HYCC2: variants seen among roughly 807,000 people sequenced by gnomAD.
HYCC2 encodes hyccin PI4KA lipid kinase complex subunit 2.
the HYCC2 span, among the ~76,000 whole-genome samples, chr2:200,994,232 T>TG: frequency 6.6e-6 from 1 of 152,096 alleles, no homozygotes; most frequent in Non-Finnish European, 1.5e-5. Context: ...TACTAGAAAT[T>TG]ATATCATTTC....
the HYCC2 span, among the ~76,000 whole-genome samples, chr2:201,065,764 A>G: frequency 6.6e-6 from 1 of 152,264 alleles, no homozygotes; most frequent in Non-Finnish European, 1.5e-5. Context: ...AACATATTAT[A>G]GTTGAAGGAC....
chr2:201,069,316 T>A, the HYCC2 span, among the ~76,000 whole-genome samples: 5 of 152,336 alleles, frequency 3.3e-5, no homozygotes, highest in East Asian at 5.8e-4. Flanking sequence ...TTCAAATTCC[T>A]TATAAACAGC....
chr2:200,981,151 A>T, the HYCC2 span: 1 of 1,235,060 alleles, frequency 8.1e-7, no homozygotes, highest in Non-Finnish European at 1.1e-6. This position sits in a 1 kb window ranked among gnomAD's most constrained non-coding sequence, Gnocchi z 4.5. Flanking sequence ...AAGATACCTA[A>T]ACTAAATGAA....
the HYCC2 span, among the ~76,000 whole-genome samples, chr2:201,024,871 T>G: frequency 6.6e-6 from 1 of 152,192 alleles, no homozygotes; most frequent in Non-Finnish European, 1.5e-5. Context: ...ATCCCAGCAC[T>G]TTGGGAGGCT....
the HYCC2 span, among the ~76,000 whole-genome samples, chr2:201,036,227 G>C: frequency 1.3e-5 from 2 of 152,114 alleles, no homozygotes; most frequent in African/African-American, 4.8e-5. Context: ...CCAATAACAG[G>C]CTCTGAAATT....
the HYCC2 span, among the ~76,000 whole-genome samples, chr2:201,061,013 C>G: frequency 6.6e-6 from 1 of 151,022 alleles, no homozygotes; most frequent in African/African-American, 2.4e-5. Context: ...GCTTACAAAA[C>G]TGTAACTGGA....
chr2:201,064,176 T>C, the HYCC2 span: 2 of 760,640 alleles, frequency 2.6e-6, no homozygotes, highest in Admixed American at 2.0e-5. Context: ...AAAGAAGACA[T>C]GTTTTAGACA....
the HYCC2 span, among the ~76,000 whole-genome samples, chr2:201,034,120 C>T: frequency 6.6e-6 from 1 of 151,860 alleles, no homozygotes; most frequent in African/African-American, 2.4e-5. Context: ...AATGAAATAC[C>T]TTTAAATAGA....
chr2:200,987,252 G>C, the HYCC2 span: 1 of 938,946 alleles, frequency 1.1e-6, no homozygotes, highest in Non-Finnish European at 1.4e-6. Context: ...AATACACCCT[G>C]GGGTACTAGA....
chr2:201,015,607 A>G, the HYCC2 span, among the ~76,000 whole-genome samples: 16 of 152,252 alleles, frequency 1.1e-4, no homozygotes, highest in Admixed American at 9.8e-4. Flanking sequence ...GCACACCACC[A>G]TAAGATTCAT....
chr2:200,987,922 A>G, the HYCC2 span, among the ~76,000 whole-genome samples: 1 of 152,192 alleles, frequency 6.6e-6, no homozygotes, highest in Non-Finnish European at 1.5e-5. Flanking sequence ...GGCCAGTTAT[A>G]TAGTTTTTCC....
chr2:201,035,026 T>C, the HYCC2 span, among the ~76,000 whole-genome samples: 1 of 152,142 alleles, frequency 6.6e-6, no homozygotes, highest in African/African-American at 2.4e-5. Flanking sequence ...TCTCTGGCTG[T>C]CCTTCACATT....
At chr2:201,002,144 A>T in the HYCC2 span, among the ~76,000 whole-genome samples, 1 of 151,910 alleles carries the variant, frequency 6.6e-6, no homozygotes, top group Non-Finnish European at 1.5e-5. Context: ...GCTCAATAAG[A>T]AAAATGGGGC....
At chr2:201,063,015 A>C in the HYCC2 span, 1 of 1,545,774 alleles carries the variant, frequency 6.5e-7, no homozygotes, top group Non-Finnish European at 8.9e-7. Flanking sequence ...AAGTACTATA[A>C]TAAAAATCTT....
the HYCC2 span, among the ~76,000 whole-genome samples, chr2:201,058,972 G>C: frequency 6.6e-6 from 1 of 152,148 alleles, no homozygotes; most frequent in Non-Finnish European, 1.5e-5. Flanking sequence ...AGACAAAAAG[G>C]CTAAGCCTCC....
At chr2:201,067,385 T>C in the HYCC2 span, among the ~76,000 whole-genome samples, 14 of 152,354 alleles carry the variant, frequency 9.2e-5, no homozygotes, top group African/African-American at 2.6e-4. Context: ...TGCTTTGCCA[T>C]TCAATAAATT....
the HYCC2 span, among the ~76,000 whole-genome samples, chr2:201,013,893 T>G: frequency 6.6e-6 from 1 of 152,196 alleles, no homozygotes; most frequent in Admixed American, 6.6e-5. Context: ...CTGGGGCTAT[T>G]TGAAACAACG....
the HYCC2 span, among the ~76,000 whole-genome samples, chr2:201,029,739 T>C: frequency 6.6e-6 from 1 of 151,976 alleles, no homozygotes; most frequent in African/African-American, 2.4e-5. Flanking sequence ...TGAGAACACT[T>C]GGACACAGGG....
At chr2:201,053,738 G>C in the HYCC2 span, among the ~76,000 whole-genome samples, 1 of 152,138 alleles carries the variant, frequency 6.6e-6, no homozygotes, top group African/African-American at 2.4e-5. Flanking sequence ...GCTGAGGCGG[G>C]TGGATCACGA....
Sources: gnomAD v4.1 joint callset for allele counts (sites outside exome capture counted in the v4.1 genomes callset) on GRCh38, gnomAD v4.1.1 for gene constraint, Gnocchi (gnomAD v3.1) non-coding constraint, MANE v1.5 for transcripts, NCBI Gene and HGNC (gene_info 2026-07-23, HGNC 2026-07-21) for gene names.